MSL2: variants seen among roughly 807,000 people sequenced by gnomAD.
MSL2 encodes E3 ubiquitin-protein ligase MSL2.
A neutral mutation model predicts 35.8 loss-of-function variants in MSL2; 2 were observed. The observed-to-expected ratio is 0.06, with a 90% CI of 0.02 to 0.18. MSL2 has a LOEUF of 0.18. MSL2 is among the 10% of genes least tolerant of loss of function. MSL2 has a pLI of 1.00. For synonymous variants in MSL2, 296 were observed against 255.7 expected (o/e 1.16, Z -1.50); for missense variants, 523 against 706.7 (o/e 0.74, Z 2.95).
intron 1 of MSL2, among the ~76,000 whole-genome samples, chr3:136,190,879 T>G (rs1446607078): frequency 6.6e-6 from 1 of 152,232 alleles, no homozygotes; most frequent in African/African-American, 2.4e-5. Context: ...TTCTGTGGCC[T>G]AGAAAGTACA....
intron 1 of MSL2, among the ~76,000 whole-genome samples, chr3:136,187,429 G>A (rs1452155089): frequency 3.3e-5 from 5 of 151,948 alleles, no homozygotes; most frequent in Non-Finnish European, 1.5e-5. Flanking sequence ...TTGGGAGGTC[G>A]AGGTGGGAGG....
In MSL2 at chr3:136,175,638, T is replaced by C. The variant is rs377170996; in HGVS notation, c.142+19334A>G. The stretch of plus-strand genomic sequence containing the variant: ...GGAGTTCGAGGCTGCAAGTGAGCCA[T>C]GATCGGATCACTGCACCCTAGCCTG... On this transcript the variant is annotated intron_variant, in intron 1 of 1. Coordinates refer to ENST00000309993, the MANE Select transcript of MSL2 (RefSeq NM_018133.4). Among the ~76,000 whole-genome samples, 70 of 152,014 alleles carry C rather than the reference T, an allele frequency of 4.6e-4. No homozygotes were observed. In the South Asian group the frequency reaches 8.5e-3, roughly 19 times the overall value.
chr3:136,177,340 G>A (rs568956514), intron 1 of MSL2, among the ~76,000 whole-genome samples: 1 of 152,168 alleles, frequency 6.6e-6, no homozygotes, highest in African/African-American at 2.4e-5. Flanking sequence ...TTAAAAACAA[G>A]AAAGAATAAT....
Position 136,151,159 on chromosome 3 carries a change from T to C in MSL2, c.1722A>G (p.Arg574=), listed in dbSNP as rs1939352243. 6.2e-7 allele frequency: 1 copy of C among 1,610,418 alleles called. No individual in the cohort carries two copies. Among genetic ancestry groups the C allele is most frequent in the African/African-American group, 1.3e-5 (1 of 74,860 alleles). The change falls in exon 2 of 2, where the codon AGA becomes AGG. Residue 574 remains arginine (R), a synonymous_variant. Coordinates refer to ENST00000309993, the MANE Select transcript of MSL2 (RefSeq NM_018133.4). The surrounding 1 kb of genome is among the most constrained non-coding windows in gnomAD (Gnocchi z 5.2). ...AAGACCCACTGATTTAACAGTCGAATCTCATGTCTATAGCTTCATCCAAAC... is the reference window on the plus strand; with the variant it reads ...AAGACCCACTGATTTAACAGTCGAACCTCATGTCTATAGCTTCATCCAAAC... ...DKSLDEAIDM[R]FDC
In MSL2 at chr3:136,150,566, A is replaced by G. The variant is rs1354671239; in HGVS notation, c.*581T>C. On this transcript the variant is annotated 3_prime_UTR_variant, in exon 2 of 2. Coordinates refer to ENST00000309993, the MANE Select transcript of MSL2 (RefSeq NM_018133.4). ...TTAAAAAGATTTCTTAAACATTCTA[A>G]TGAGGGGGAATTTTTTTTCATAATA... The G allele has an allele frequency of 6.5e-6, 1 of 152,704 alleles. No individual in the cohort carries two copies. The highest frequency in any genetic ancestry group is 1.5e-5 in the Non-Finnish European group (1 of 68,100). 9.5% of individuals were successfully genotyped at this position (152,704 alleles called of 1,614,324 possible). A position where few individuals can be genotyped will look rare whatever the true frequency, so the allele number is the denominator to read the frequency against.
Position 136,159,354 on chromosome 3 carries a change from C to CTTTT in MSL2, c.143-6620_143-6617dup, listed in dbSNP as rs71157361. Among the ~76,000 whole-genome samples, 112 of 70,056 alleles carry CTTTT rather than the reference C, an allele frequency of 1.6e-3. 16 individuals are homozygous for CTTTT. Among genetic ancestry groups the CTTTT allele is most frequent in the African/African-American group, 5.0e-3 (90 of 18,008 alleles). 46.0% of individuals were successfully genotyped at this position (70,056 alleles called of 152,430 possible). ...TTCAATGGGGAAAGGAGAGTACTTTCTTTTTTTTTTTTTTTTTTTTTTTTT... is the reference window on the plus strand; with the variant it reads ...TTCAATGGGGAAAGGAGAGTACTTTCTTTTTTTTTTTTTTTTTTTTTTTTTTTTT... On this transcript the variant is annotated intron_variant, in intron 1 of 1. Coordinates refer to ENST00000309993, the MANE Select transcript of MSL2 (RefSeq NM_018133.4).
At chr3:136,184,475 A>G (rs1940456434) in intron 1 of MSL2, among the ~76,000 whole-genome samples, 1 of 150,870 alleles carries the variant, frequency 6.6e-6, no homozygotes, top group Admixed American at 6.6e-5. Flanking sequence ...TGATGGCAGG[A>G]GCCTGTAATC....
intron 1 of MSL2, 144 bp downstream of exon 1, chr3:136,194,828 G>T (rs570031301): frequency 1.5e-6 from 2 of 1,333,726 alleles, no homozygotes; most frequent in African/African-American, 1.5e-5. Context: ...CCCTCAGCAA[G>T]TTTCAAAACT....
chr3:136,166,176 G>A (rs1939845922), intron 1 of MSL2, among the ~76,000 whole-genome samples: 1 of 151,560 alleles, frequency 6.6e-6, no homozygotes, highest in African/African-American at 2.4e-5. Context: ...GTCACTTGAG[G>A]TCAGGAGTTC....
chr3:136,156,090 T>G (rs28669017), intron 1 of MSL2: 55,790 of 264,206 alleles, frequency 0.21, 6,797 homozygotes, highest in Non-Finnish European at 0.26. Context: ...ATCAGCTATA[T>G]CTCCACTGTG....
chr3:136,180,483 C>G (rs764178173), intron 1 of MSL2, among the ~76,000 whole-genome samples: 3 of 151,606 alleles, frequency 2.0e-5, no homozygotes, highest in Non-Finnish European at 4.4e-5. Flanking sequence ...GGGCAGATCA[C>G]GAGATCAGGA....
In MSL2 at chr3:136,148,994, A is replaced by T. The variant is rs1384185890; in HGVS notation, c.*2153T>A. 3 of 152,660 alleles carry T rather than the reference A, an allele frequency of 2.0e-5. No individual in the cohort carries two copies. Among genetic ancestry groups the T allele is most frequent in the African/African-American group, 7.2e-5 (3 of 41,546 alleles). The allele number at this position is 152,660 out of a possible 1,614,324, so 9.5% of individuals were successfully genotyped here. A position where few individuals can be genotyped will look rare whatever the true frequency, so the allele number is the denominator to read the frequency against. The stretch of plus-strand genomic sequence containing the variant: ...CCAAAAATGTGGCAGTGAGAATACC[A>T]GCATAAAAAAGAGAAACTTGTGCTA... On this transcript the variant is annotated 3_prime_UTR_variant, in exon 2 of 2. Transcript: ENST00000309993.
chr3:136,184,912 T>C (rs1453962867), intron 1 of MSL2, among the ~76,000 whole-genome samples: 1 of 152,172 alleles, frequency 6.6e-6, no homozygotes, highest in African/African-American at 2.4e-5. Flanking sequence ...AACCTCATAC[T>C]TTTCCAGGAA....
chr3:136,194,482 G>T (rs1277379103), intron 1 of MSL2: 1 of 985,348 alleles, frequency 1.0e-6, no homozygotes, highest in South Asian at 4.7e-5. Flanking sequence ...GGAACCTGGG[G>T]CAAAGTTCCG....
At chr3:136,172,541 C>G (rs1416961554) in intron 1 of MSL2, among the ~76,000 whole-genome samples, 5 of 152,174 alleles carry the variant, frequency 3.3e-5, no homozygotes. Context: ...GTAGTGGGCA[C>G]TTCTGGTTCA....
chr3:136,186,012 G>T (rs1576375259), intron 1 of MSL2, among the ~76,000 whole-genome samples: 1 of 152,004 alleles, frequency 6.6e-6, no homozygotes, highest in South Asian at 2.1e-4. Flanking sequence ...CTGTTTTGCA[G>T]AATATTTAGC....
intron 1 of MSL2, among the ~76,000 whole-genome samples, chr3:136,181,921 AAAATAAATAAATAAATAAAT>A (rs144747029): frequency 2.0e-5 from 3 of 147,260 alleles, no homozygotes; most frequent in African/African-American, 5.0e-5. Flanking sequence ...TCTGTCTCAA[AAAATAAATAAATAAATAAAT>A]AAATAAATAA....
intron 1 of MSL2, among the ~76,000 whole-genome samples, chr3:136,159,543 T>TTG (rs1291890772): frequency 7.6e-5 from 11 of 145,448 alleles, no homozygotes; most frequent in African/African-American, 2.8e-4. Flanking sequence ...TTTTTTTTTT[T>TTG]GCATTTTTAG....
chr3:136,195,061 A>T lies in MSL2; in HGVS notation c.53T>A (p.Leu18His), dbSNP rs1940797402. ...CTTGGGGTCTCCGGGGTCGTAGTTG[A>T]GCACTAGGCGGCTCGCGGAAATGTA... ...ALYISASRLVLNYDPGDPKAF... is the reference protein window; with the variant it reads ...ALYISASRLVHNYDPGDPKAF... The change falls in exon 1 of 2, where the codon CTC becomes CAC. Residue 18 changes from leucine (L) to histidine (H), a missense_variant. Coordinates refer to ENST00000309993, the MANE Select transcript of MSL2 (RefSeq NM_018133.4). 6.2e-7 allele frequency: 1 copy of T among 1,613,960 alleles called. No homozygotes were observed. Among genetic ancestry groups the T allele is most frequent in the Non-Finnish European group, 8.5e-7 (1 of 1,180,008 alleles).
Sources: allele counts gnomAD v4.1 joint callset (sites outside exome capture counted in the v4.1 genomes callset), GRCh38; gene constraint gnomAD v4.1.1; non-coding constraint Gnocchi (gnomAD v3.1); transcripts MANE v1.5; gene names NCBI Gene and HGNC (gene_info 2026-07-23, HGNC 2026-07-21).